Variants in STK32A observed in about 807,000 individuals in gnomAD.
STK32A encodes the protein serine/threonine kinase 32A.
A neutral mutation model predicts 53.2 loss-of-function variants in STK32A; 41 were observed. The observed-to-expected ratio is 0.77, with a 90% confidence interval of 0.60 to 1.00. STK32A has a LOEUF of 1.00. Ranked by LOEUF, STK32A falls within the 50% of genes least tolerant of loss-of-function variation. The pLI is 0.00. For synonymous variants in STK32A, 166 were observed against 162.8 expected (o/e 1.02, Z -0.15); for missense variants, 458 against 485.8 (o/e 0.94, Z 0.54).
At chr5:147,340,208 TG>T (rs1755337951) in intron 5 of STK32A, among the ~76,000 whole-genome samples, 1 of 152,190 alleles carries the variant, frequency 6.6e-6, no homozygotes, top group Non-Finnish European at 1.5e-5. Flanking sequence ...TTTCTATCAG[TG>T]GGGTCTTTGT....
rs987652115 is a variant in STK32A at position 147,244,175 on chromosome 5, T to C, written c.52+4489T>C. Among the ~76,000 whole-genome samples the C allele has an allele frequency of 4.6e-5, 7 of 152,352 alleles. No individual in the cohort carries two copies. The East Asian group carries it at 1.4e-3, about 29-fold the overall frequency. On this transcript the variant is annotated intron_variant, in intron 2 of 12. Transcript: ENST00000397936. The stretch of plus-strand genomic sequence containing the variant: ...CATCTGGTTTATTTCATTTAGCATA[T>C]ATTTTTAAGGTTCATCCATGTTGCA...
chr5:147,396,102 A>G, the STK32A span, among the ~76,000 whole-genome samples: 49 of 152,204 alleles, frequency 3.2e-4, no homozygotes, highest in African/African-American at 1.2e-3. Flanking sequence ...AAATAGAAGA[A>G]CAGCAGTACA....
At chr5:147,239,852 T>C (rs1179094178) in intron 2 of STK32A, 166 bp downstream of exon 2, 1 of 589,884 alleles carries the variant, frequency 1.7e-6, no homozygotes, top group East Asian at 2.9e-5. Context: ...TAGCTAGGTT[T>C]TACCTTCCAC....
rs777589536 is a variant in STK32A, at chr5:147,355,781, A to AGT, written c.562+4638_562+4639dup. Among the ~76,000 whole-genome samples, 37 of 100,224 alleles carry AGT rather than the reference A, an allele frequency of 3.7e-4. No individual in the cohort carries two copies. The East Asian group carries it at 4.9e-3, about 13-fold the overall frequency. The allele number at this position is 100,224 out of a possible 152,430, so 65.8% of individuals were successfully genotyped here. ...GTATATATGTATATGTATGTGTGTG[A>AGT]GTGTGTGTGTGTATATATATATATA... is the stretch of plus-strand genomic sequence containing the variant. On this transcript the variant is annotated intron_variant, in intron 7 of 12. Coordinates refer to ENST00000397936, the MANE Select transcript of STK32A (RefSeq NM_001112724.2).
chr5:147,348,702 G>A (rs369220556), intron 6 of STK32A: 10 of 774,060 alleles, frequency 1.3e-5, no homozygotes, highest in Non-Finnish European at 2.4e-5. Flanking sequence ...CAGATACCTG[G>A]CTCTCCTACA....
chr5:147,334,775 A>C (rs1397259033), intron 5 of STK32A, among the ~76,000 whole-genome samples: 2 of 152,168 alleles, frequency 1.3e-5, no homozygotes, highest in African/African-American at 4.8e-5. Flanking sequence ...GTTTCTCACT[A>C]TCTAGCTCTT....
chr5:147,360,952 T>C (rs754262994), intron 7 of STK32A, among the ~76,000 whole-genome samples: 1 of 152,138 alleles, frequency 6.6e-6, no homozygotes, highest in African/African-American at 2.4e-5. Flanking sequence ...AGTTACAAAG[T>C]GTAAAGAACC....
intron 7 of STK32A, among the ~76,000 whole-genome samples, chr5:147,359,839 C>A (rs1400432251): frequency 3.9e-5 from 6 of 152,130 alleles, no homozygotes; most frequent in Non-Finnish European, 5.9e-5. Flanking sequence ...CAGGGCCAGT[C>A]CCGGGCATTG....
intron 7 of STK32A, among the ~76,000 whole-genome samples, chr5:147,354,353 G>A (rs947279584): frequency 4.5e-4 from 69 of 152,314 alleles, no homozygotes; most frequent in African/African-American, 1.6e-3. Context: ...GTGCATCTGG[G>A]TTTCCAGGGT....
Position 147,290,847 on chromosome 5 carries a change from T to C in STK32A, c.260+11449T>C, listed in dbSNP as rs537985756. On this transcript the variant is annotated intron_variant, in intron 4 of 12. Coordinates refer to ENST00000397936, the MANE Select transcript of STK32A (RefSeq NM_001112724.2). ...AGGATGCCCACCTGGGAGCACAGAT[T>C]CACTTTGCCCAGAATGTACACTCCA... Among the ~76,000 whole-genome samples the C allele has an allele frequency of 4.0e-3, 606 of 152,236 alleles. 5 individuals are homozygous for C. The highest frequency in any genetic ancestry group is 4.0e-3 in the Non-Finnish European group (273 of 68,024).
At chr5:147,338,234 A>G (rs550571726) in intron 5 of STK32A, among the ~76,000 whole-genome samples, 12 of 152,200 alleles carry the variant, frequency 7.9e-5, no homozygotes, top group African/African-American at 2.9e-4. Context: ...TTCTTGTGAT[A>G]GTGGGTGAGT....
At chr5:147,324,784 A>G (rs911931100) in intron 5 of STK32A, among the ~76,000 whole-genome samples, 14 of 152,228 alleles carry the variant, frequency 9.2e-5, no homozygotes, top group African/African-American at 3.4e-4. Flanking sequence ...TGTATACATT[A>G]AATTATCACC....
At chr5:147,297,992 A>C (rs1286482446) in intron 4 of STK32A, among the ~76,000 whole-genome samples, 2 of 151,492 alleles carry the variant, frequency 1.3e-5, no homozygotes, top group Admixed American at 6.6e-5. Context: ...AAAAAAAAAA[A>C]ATACTATCTG....
At chr5:147,264,047 A>G (rs1418881937) in intron 2 of STK32A, among the ~76,000 whole-genome samples, 8 of 152,234 alleles carry the variant, frequency 5.3e-5, no homozygotes, top group Non-Finnish European at 1.2e-4. Flanking sequence ...CAAATTCTGA[A>G]GGAAACAATT....
chr5:147,292,127 T>C lies in STK32A; in HGVS notation c.260+12729T>C, dbSNP rs555551974. Among the ~76,000 whole-genome samples the C allele has an allele frequency of 6.6e-5, 10 of 152,334 alleles. No individual in the cohort carries two copies. In the East Asian group the frequency reaches 1.9e-3, roughly 29 times the overall value. ...TCAAATGATGACATTCTTTACTTAC[T>C]GCAAGGTCAAAAAACTTGTGAGGGT... On this transcript the variant is annotated intron_variant, in intron 4 of 12. Coordinates refer to ENST00000397936, the MANE Select transcript of STK32A (RefSeq NM_001112724.2).
At chr5:147,314,420 C>T (rs1308026077) in intron 4 of STK32A, among the ~76,000 whole-genome samples, 2 of 149,238 alleles carry the variant, frequency 1.3e-5, no homozygotes, top group East Asian at 2.0e-4. Context: ...ATCACTTGAA[C>T]CTGGGAGGTA....
chr5:147,262,101 T>C (rs935055897), intron 2 of STK32A, among the ~76,000 whole-genome samples: 3 of 152,082 alleles, frequency 2.0e-5, no homozygotes, highest in African/African-American at 7.2e-5. Context: ...TCATCACAAA[T>C]GGTGAAGAAA....
At chr5:147,340,887 A>G (rs528045232) in intron 5 of STK32A, among the ~76,000 whole-genome samples, 2 of 152,286 alleles carry the variant, frequency 1.3e-5, no homozygotes, top group African/African-American at 4.8e-5. Flanking sequence ...GAGTAGGTAA[A>G]TATCTGATGA....
At chr5:147,389,215 C>T (rs1235919543), downstream of STK32A, among the ~76,000 whole-genome samples, 2 of 152,170 alleles carry the variant, frequency 1.3e-5, no homozygotes, top group African/African-American at 4.8e-5. Context: ...TCCTCCCCAC[C>T]CGTCCCAACT....
Sources: allele counts gnomAD v4.1 joint callset (sites outside exome capture counted in the v4.1 genomes callset), GRCh38; gene constraint gnomAD v4.1.1; transcripts MANE v1.5; gene names NCBI Gene and HGNC (gene_info 2026-07-23, HGNC 2026-07-21).